CNIH3: variants seen among roughly 807,000 people sequenced by gnomAD.
CNIH3 encodes cornichon family AMPA receptor auxiliary protein 3.
Under a neutral mutation model 24.1 loss-of-function variants are expected in CNIH3, and 14 were observed. The observed-to-expected ratio is 0.58, with a 90% CI of 0.38 to 0.91. The LOEUF (loss-of-function observed/expected upper bound fraction) is 0.91, where lower values mean the gene tolerates loss of function less well. Ranked by LOEUF, CNIH3 falls within the 40% of genes least tolerant of loss-of-function variation. The pLI is 0.00. For synonymous variants in CNIH3, 68 were observed against 73.8 expected (o/e 0.92, Z 0.40); for missense variants, 178 against 196.8 (o/e 0.90, Z 0.57).
At chr1:224,639,854 T>C (rs1007211188) in intron 1 of CNIH3, among the ~76,000 whole-genome samples, 3 of 152,174 alleles carry the variant, frequency 2.0e-5, no homozygotes, top group Non-Finnish European at 2.9e-5. Context: ...CTTAACCCGA[T>C]TGCAGATCAG....
At chr1:224,632,845 T>C (rs1198241177) in intron 1 of CNIH3, among the ~76,000 whole-genome samples, 2 of 152,184 alleles carry the variant, frequency 1.3e-5, no homozygotes. Flanking sequence ...TTTCCTCTTA[T>C]TGGTTGGCAG....
intron 1 of CNIH3, among the ~76,000 whole-genome samples, chr1:224,627,876 C>T (rs180836796): frequency 1.3e-5 from 2 of 152,230 alleles, no homozygotes; most frequent in Non-Finnish European, 1.5e-5. Context: ...GCTCTGAGAA[C>T]AGAACCTTTC....
At chr1:224,646,494 C>T (rs537671477) in intron 1 of CNIH3, among the ~76,000 whole-genome samples, 14 of 152,308 alleles carry the variant, frequency 9.2e-5, no homozygotes, top group Non-Finnish European at 1.6e-4. Flanking sequence ...CAGCCTTGAC[C>T]TCCTGGGCTT....
chr1:224,668,760 T>G (rs1438199667), intron 1 of CNIH3, among the ~76,000 whole-genome samples: 1 of 151,746 alleles, frequency 6.6e-6, no homozygotes, highest in Non-Finnish European at 1.5e-5. Context: ...TTCTTATGTT[T>G]GAGAACCAAG....
chr1:224,626,284 G>T (rs1204388128), intron 1 of CNIH3, among the ~76,000 whole-genome samples: 1 of 152,144 alleles, frequency 6.6e-6, no homozygotes, highest in Non-Finnish European at 1.5e-5. Flanking sequence ...TTAGCTGAGG[G>T]TTGCCTGCAT....
intron 3 of CNIH3, among the ~76,000 whole-genome samples, chr1:224,702,599 A>T (rs537750808): frequency 6.6e-6 from 1 of 152,238 alleles, no homozygotes; most frequent in East Asian, 1.9e-4. Context: ...GCAGTCAGGA[A>T]CTTCTTCTCA....
chr1:224,732,294 G>A (rs1014094437), intron 4 of CNIH3, among the ~76,000 whole-genome samples: 1 of 152,168 alleles, frequency 6.6e-6, no homozygotes, highest in African/African-American at 2.4e-5. Flanking sequence ...TGCGTGGCCG[G>A]GAGGTCGATG....
chr1:224,446,488 C>G (rs1181245610), intron 1 of CNIH3, among the ~76,000 whole-genome samples: 1 of 152,006 alleles, frequency 6.6e-6, no homozygotes, highest in Non-Finnish European at 1.5e-5. Context: ...TCTTGTACAT[C>G]TTTTTCCTAG....
At chr1:224,512,066 T>G (rs1292092698), upstream of CNIH3, among the ~76,000 whole-genome samples, 2 of 151,876 alleles carry the variant, frequency 1.3e-5, no homozygotes, top group East Asian at 3.9e-4. Context: ...TCCTAGCTAC[T>G]AGGGAGGCTG....
At chr1:224,699,954 G>A (rs7555388) in intron 3 of CNIH3, among the ~76,000 whole-genome samples, 3,233 of 152,230 alleles carry the variant, frequency 0.021, 82 homozygotes, top group African/African-American at 0.058. Context: ...TTTCTTGCCT[G>A]CCCTGCTTCC....
intron 4 of CNIH3, 104 bp downstream of exon 4, chr1:224,730,678 C>A: frequency 1.5e-6 from 1 of 684,016 alleles, no homozygotes; most frequent in Middle Eastern, 2.5e-4. Context: ...GCCTTCCAAT[C>A]ATCCCTTCCT....
At chr1:224,492,965 A>G (rs16848794) in intron 1 of CNIH3, among the ~76,000 whole-genome samples, 11,441 of 152,238 alleles carry the variant, frequency 0.075, 1,402 homozygotes, top group African/African-American at 0.25. Flanking sequence ...CTATTTTACT[A>G]TAATCACCAA....
At chr1:224,734,291 G>A (rs1363321710) in intron 4 of CNIH3, among the ~76,000 whole-genome samples, 3 of 152,180 alleles carry the variant, frequency 2.0e-5, no homozygotes, top group Non-Finnish European at 2.9e-5. Context: ...CCTAGGCAAC[G>A]CCAGGTGACA....
chr1:224,475,098 C>T (rs1676528992), intron 1 of CNIH3, among the ~76,000 whole-genome samples: 1 of 148,256 alleles, frequency 6.7e-6, no homozygotes, highest in African/African-American at 2.5e-5. Context: ...GGTGGCTCAG[C>T]CTGTAATCCC....
At chr1:224,562,978 C>T (rs1306190371) in intron 3 of CNIH3, among the ~76,000 whole-genome samples, 1 of 152,188 alleles carries the variant, frequency 6.6e-6, no homozygotes, top group Non-Finnish European at 1.5e-5. Flanking sequence ...GATTCCAGCA[C>T]TTTGGGAAAC....
intron 3 of CNIH3, among the ~76,000 whole-genome samples, chr1:224,689,150 C>T (rs1686806739): frequency 6.6e-6 from 1 of 152,128 alleles, no homozygotes; most frequent in South Asian, 2.1e-4. Flanking sequence ...AGCGTGCAAA[C>T]ATCTACTGCT....
chr1:224,659,292 A>G (rs12125241), intron 1 of CNIH3, among the ~76,000 whole-genome samples: 4,164 of 152,332 alleles, frequency 0.027, 85 homozygotes, highest in Non-Finnish European at 0.044. Context: ...GTAACTTAAT[A>G]GCACAAGGAC....
chr1:224,590,526 A>T (rs952423028), downstream of CNIH3, among the ~76,000 whole-genome samples: 1 of 152,172 alleles, frequency 6.6e-6, no homozygotes, highest in Non-Finnish European at 1.5e-5. Flanking sequence ...GTCCCAGAGC[A>T]TAGCACCAGC....
chr1:224,733,913 C>T (rs1384030826), intron 4 of CNIH3, among the ~76,000 whole-genome samples: 2 of 152,214 alleles, frequency 1.3e-5, no homozygotes, highest in East Asian at 3.9e-4. Flanking sequence ...TCCTCAGGGG[C>T]TGTGGCCAGG....
Sources: gnomAD v4.1 joint callset for allele counts (sites outside exome capture counted in the v4.1 genomes callset) on GRCh38, gnomAD v4.1.1 for gene constraint, MANE v1.5 for transcripts, NCBI Gene and HGNC (gene_info 2026-07-23, HGNC 2026-07-21) for gene names.